HS6ST3: variants seen among roughly 807,000 people sequenced by gnomAD.
The protein encoded by HS6ST3 is heparan-sulfate 6-O-sulfotransferase 3.
In HS6ST3, 12 loss-of-function variants were observed where a neutral mutation model predicts 36.7. The ratio of observed to expected loss-of-function variants is 0.33; its 90% CI spans 0.21 to 0.53. The LOEUF (loss-of-function observed/expected upper bound fraction) is 0.53. Ranked by LOEUF, HS6ST3 falls within the 20% of genes least tolerant of loss-of-function variation. The pLI is 0.95. For synonymous variants in HS6ST3, 240 were observed against 257.5 expected, an observed-to-expected ratio of 0.93 and a Z score of 0.65; for missense variants, 584 against 640.9, an observed-to-expected ratio of 0.91 and a Z score of 0.96.
At chr13:96,769,854 A>G (rs1877219488) in intron 1 of HS6ST3, among the ~76,000 whole-genome samples, 1 of 152,042 alleles carries the variant, frequency 6.6e-6, no homozygotes, top group African/African-American at 2.4e-5. Context: ...TTTTGGAGCC[A>G]TACAATTACA....
At chr13:96,700,458 A>G (rs776947495) in intron 1 of HS6ST3, among the ~76,000 whole-genome samples, 16 of 152,154 alleles carry the variant, frequency 1.1e-4, no homozygotes, top group Non-Finnish European at 1.9e-4. Context: ...GCCAAACCAT[A>G]TCATCTCCCT....
intron 1 of HS6ST3, among the ~76,000 whole-genome samples, chr13:96,219,948 T>G (rs1045297912): frequency 6.6e-6 from 1 of 152,130 alleles, no homozygotes; most frequent in African/African-American, 2.4e-5. Context: ...TCCCAAAGTG[T>G]TGGGATTACA....
intron 1 of HS6ST3, among the ~76,000 whole-genome samples, chr13:96,606,363 A>G (rs2056438642): frequency 6.6e-6 from 1 of 152,110 alleles, no homozygotes; most frequent in African/African-American, 2.4e-5. Flanking sequence ...AACATGGTAC[A>G]TAATACACTA....
intron 1 of HS6ST3, among the ~76,000 whole-genome samples, chr13:96,372,564 A>G (rs113532889): frequency 3.9e-4 from 60 of 152,218 alleles, no homozygotes; most frequent in South Asian, 1.5e-3. Flanking sequence ...TGCCCAGACC[A>G]ATGTCATGGA....
chr13:96,484,381 A>G (rs551758312), intron 1 of HS6ST3, among the ~76,000 whole-genome samples: 3 of 152,134 alleles, frequency 2.0e-5, no homozygotes, highest in African/African-American at 7.2e-5. Flanking sequence ...CAATGTTTCA[A>G]TGTTAGCAAA....
chr13:96,579,837 G>C (rs555230457), intron 1 of HS6ST3, among the ~76,000 whole-genome samples: 1 of 152,102 alleles, frequency 6.6e-6, no homozygotes, highest in Non-Finnish European at 1.5e-5. Context: ...GACACTCACT[G>C]TGATCCCCTG....
intron 1 of HS6ST3, among the ~76,000 whole-genome samples, chr13:96,769,899 T>C (rs539841372): frequency 6.6e-6 from 1 of 152,262 alleles, no homozygotes; most frequent in East Asian, 1.9e-4. Context: ...TTTAAAATAA[T>C]CTAGTTATTT....
chr13:96,558,037 A>T (rs1456130218), intron 1 of HS6ST3, among the ~76,000 whole-genome samples: 2 of 152,192 alleles, frequency 1.3e-5, no homozygotes, highest in Admixed American at 6.6e-5. Flanking sequence ...CAATAGGCTG[A>T]TAAGTGTGTA....
At chr13:96,457,515 A>G (rs1010036867) in intron 1 of HS6ST3, among the ~76,000 whole-genome samples, 2 of 152,152 alleles carry the variant, frequency 1.3e-5, no homozygotes, top group South Asian at 4.1e-4. Flanking sequence ...TGATTATTGT[A>G]TAGGTACTAG....
At chr13:96,280,092 C>G (rs1288776938) in intron 1 of HS6ST3, among the ~76,000 whole-genome samples, 1 of 152,108 alleles carries the variant, frequency 6.6e-6, no homozygotes, top group Non-Finnish European at 1.5e-5. Context: ...ACATATTACA[C>G]TGGCAGGTTC....
intron 1 of HS6ST3, among the ~76,000 whole-genome samples, chr13:96,807,438 T>G (rs1457983208): frequency 6.6e-6 from 1 of 152,024 alleles, no homozygotes; most frequent in Non-Finnish European, 1.5e-5. Flanking sequence ...AACTGGTGCC[T>G]TTATGAAAGG....
At chr13:96,213,570 A>G (rs532015132) in intron 1 of HS6ST3, among the ~76,000 whole-genome samples, 1 of 150,490 alleles carries the variant, frequency 6.6e-6, no homozygotes, top group South Asian at 2.1e-4. Context: ...TCTCTTGCCC[A>G]GGCTGGAGTG....
chr13:96,204,002 G>A (rs1289188322), intron 1 of HS6ST3, among the ~76,000 whole-genome samples: 1 of 151,986 alleles, frequency 6.6e-6, no homozygotes, highest in Non-Finnish European at 1.5e-5. Flanking sequence ...TCATCAAAAG[G>A]AAACAAGTTG....
chr13:96,300,192 G>A (rs13378157), intron 1 of HS6ST3, among the ~76,000 whole-genome samples: 11 of 151,282 alleles, frequency 7.3e-5, no homozygotes, highest in Non-Finnish European at 1.5e-4. Context: ...GAGTAGCTGA[G>A]ATTACAGGTG....
chr13:96,394,708 A>G (rs563891798), intron 1 of HS6ST3, among the ~76,000 whole-genome samples: 4 of 152,158 alleles, frequency 2.6e-5, no homozygotes, highest in African/African-American at 9.7e-5. Flanking sequence ...ATGTGATCCT[A>G]TTGTTGGAAT....
rs908083552 is a variant in HS6ST3 at position 96,738,243 on chromosome 13, C to T, written c.708-94247C>T. On this transcript the variant is annotated intron_variant, in intron 1 of 1. Coordinates refer to ENST00000376705, the MANE Select transcript of HS6ST3 (RefSeq NM_153456.4). ...ACCGAAGGCTGATGTAAGCTTTCTG[C>T]ATGGCCATTTGGATTGTCCATAAGA... Among the ~76,000 whole-genome samples the T allele has an allele frequency of 5.3e-5, 8 of 152,224 alleles. No individual in the cohort carries two copies. In the South Asian group the frequency reaches 1.7e-3, roughly 32 times the overall value.
At chr13:96,320,576 A>G (rs1015246723) in intron 1 of HS6ST3, among the ~76,000 whole-genome samples, 2 of 152,228 alleles carry the variant, frequency 1.3e-5, no homozygotes, top group African/African-American at 2.4e-5. Context: ...AGATTGGATT[A>G]AGATGACACT....
At chr13:96,546,271 C>A (rs898856037) in intron 1 of HS6ST3, among the ~76,000 whole-genome samples, 3 of 151,924 alleles carry the variant, frequency 2.0e-5, no homozygotes, top group Non-Finnish European at 4.4e-5. Flanking sequence ...TAATAGAATT[C>A]TTTAGGGCCC....
chr13:96,374,660 A>G (rs993535674), intron 1 of HS6ST3, among the ~76,000 whole-genome samples: 18 of 152,144 alleles, frequency 1.2e-4, no homozygotes, highest in African/African-American at 4.1e-4. Flanking sequence ...GGAAAATGCC[A>G]TGAGGGTCTT....
Sources: allele counts gnomAD v4.1 joint callset (sites outside exome capture counted in the v4.1 genomes callset), GRCh38; gene constraint gnomAD v4.1.1; transcripts MANE v1.5; gene names NCBI Gene and HGNC (gene_info 2026-07-23, HGNC 2026-07-21).